Variants in TRPA1 observed in about 807,000 individuals in gnomAD.
The protein encoded by TRPA1 is transient receptor potential cation channel subfamily A member 1, also known as ankyrin-like with transmembrane domains 1.
A neutral mutation model predicts 131.3 loss-of-function variants in TRPA1; 129 were observed. That is an observed-to-expected ratio of 0.98 (90% CI 0.85 to 1.14). The LOEUF (loss-of-function observed/expected upper bound fraction) is 1.14. TRPA1 is among the 50% of genes most tolerant of loss of function. TRPA1 has a pLI of 0.00. For missense variants in TRPA1, 1,304 were observed against 1,354.2 expected (o/e 0.96, Z 0.58); for synonymous variants, 441 against 451.7 (o/e 0.98, Z 0.30).
rs770067409 is a variant in TRPA1, at chr8:72,052,628, C to G, written c.1782G>C (p.Glu594Asp). ...TGCTCCTGATGATCGTAAGAACAAC[C>G]TCCTTCCTCTTATTGTGAAGTGCAA... ...LHLALHNKRK[E>D]VVLTIIRSKR... The change falls in exon 14 of 27, where the codon GAG (glutamate) becomes GAC (aspartate). Residue 594 changes from glutamate to aspartate, a missense_variant. Transcript: ENST00000262209. The G allele has an allele frequency of 6.2e-7, 1 of 1,613,612 alleles. No individual in the cohort carries two copies. Among genetic ancestry groups the G allele is most frequent in the Non-Finnish European group, 8.5e-7 (1 of 1,179,736 alleles).
rs763397178 is a variant in TRPA1 at position 72,075,426 on chromosome 8, G to A, written c.-17C>T. ...GCGCTTCATTGACCCCACCCCGGAC[G>A]CCACCTGGTGCAGCTGCTCACCACG... On this transcript the variant is annotated 5_prime_UTR_variant, in exon 1 of 27. Transcript: ENST00000262209. 2.3e-5 allele frequency: 36 copies of A among 1,584,204 alleles called. No homozygotes were observed. The highest frequency in any genetic ancestry group is 2.8e-5 in the Non-Finnish European group (33 of 1,161,650).
chr8:72,069,091 G>A lies in TRPA1; in HGVS notation c.376C>T (p.Leu126Phe), dbSNP rs1805996093. The A allele has an allele frequency of 6.2e-7, 1 of 1,614,038 alleles. No individual in the cohort carries two copies. The highest frequency in any genetic ancestry group is 8.5e-7 in the Non-Finnish European group (1 of 1,180,028). ...FLLSRGANPN[L>F]RNFNMMAPLH... ...GGAGCCATCATGTTGAAGTTTCGGA[G>A]ATTTGGGTTTGCTCCTCTGCTGAGA... The change falls in exon 3 of 27, where the codon CTC (leucine) becomes TTC (phenylalanine). Residue 126 changes from leucine (L) to phenylalanine (F), a missense_variant. By Grantham distance (22) the Leu-to-Phe change is conservative (BLOSUM62 0). Coordinates refer to ENST00000262209, the MANE Select transcript of TRPA1 (RefSeq NM_007332.3).
At position 72,062,854 on chromosome 8, in the gene TRPA1, T is replaced by C; in HGVS notation, c.752A>G (p.Asp251Gly). ...CAGGCACATTTTGATCATTTCCAAGTCACCATTTTGCACAGCCAGGTGGAG... is the reference window on the plus strand; with the variant it reads ...CAGGCACATTTTGATCATTTCCAAGCCACCATTTTGCACAGCCAGGTGGAG... ...TPLHLAVQNG[D>G]LEMIKMCLDN... Residue 251 changes from aspartate (D) to glycine (G), a missense_variant, in exon 6 of 27, where the codon GAC becomes GGC. Asp to Gly is a moderately conservative substitution (Grantham distance 94). Transcript: ENST00000262209. 6.2e-7 allele frequency: 1 copy of C among 1,614,040 alleles called. No homozygotes were observed. The highest frequency in any genetic ancestry group is 1.1e-5 in the South Asian group (1 of 91,072).
At chr8:72,029,782 T>A (rs1016000212) in intron 24 of TRPA1, 119 bp downstream of exon 24, 8 of 962,176 alleles carry the variant, frequency 8.3e-6, no homozygotes, top group African/African-American at 1.6e-5. Flanking sequence ...GTGTAAGTAG[T>A]ATAAATTTAT....
the TRPA1 span, among the ~76,000 whole-genome samples, chr8:72,081,308 A>C: frequency 1.3e-5 from 2 of 151,860 alleles, no homozygotes; most frequent in Non-Finnish European, 3.0e-5. Flanking sequence ...TCCCAAATTT[A>C]TTTCTGTTGT....
intron 17 of TRPA1, among the ~76,000 whole-genome samples, chr8:72,043,820 C>A (rs924192049): frequency 6.6e-6 from 1 of 151,824 alleles, no homozygotes; most frequent in African/African-American, 2.4e-5. Context: ...TTCATCAGCA[C>A]TCTATTACAT....
At chr8:72,060,524 C>G (rs1212880561) in intron 7 of TRPA1, 4 of 152,058 alleles carry the variant, frequency 2.6e-5, no homozygotes, top group Admixed American at 2.6e-4. Context: ...TATCACCAAT[C>G]CTGGATTCAT....
intron 1 of TRPA1, 99 bp downstream of exon 1, chr8:72,075,200 C>A: frequency 1.1e-6 from 1 of 933,976 alleles, no homozygotes; most frequent in South Asian, 1.3e-5. Flanking sequence ...CTTGCAACCC[C>A]CACGCTTTCT....
chr8:72,068,745 AT>A (rs1212904758), intron 3 of TRPA1, among the ~76,000 whole-genome samples: 6 of 152,232 alleles, frequency 3.9e-5, no homozygotes, highest in African/African-American at 1.4e-4. Context: ...TACTAGTGGA[AT>A]TACTTCATAG....
rs1811431909 is a variant in TRPA1, at chr8:72,022,563, T to A, written c.*343A>T. ...TAATTAACAAGCAGGAATTCAGTAC[T>A]GACATTTGCATTTTAGCTTAATAGT... On this transcript the variant is annotated 3_prime_UTR_variant, in exon 27 of 27. Transcript: ENST00000262209. 1.3e-5 allele frequency: 5 copies of A among 380,224 alleles called. No individual in the cohort carries two copies. Among genetic ancestry groups the A allele is most frequent in the South Asian group, 6.7e-5 (3 of 44,562 alleles). The allele number at this position is 380,224 out of a possible 1,614,324, so 23.6% of individuals were successfully genotyped here.
chr8:72,036,219 G>C lies in TRPA1; in HGVS notation c.2555+69C>G, dbSNP rs137998328. ...ATAAGCCAGTTTTAAATTTACACCAGGTACAATAGTTTTTCTTTTGATATT... is the reference window on the plus strand; with the variant it reads ...ATAAGCCAGTTTTAAATTTACACCACGTACAATAGTTTTTCTTTTGATATT... On this transcript the variant is annotated intron_variant, in intron 21 of 26. Coordinates refer to ENST00000262209, the MANE Select transcript of TRPA1 (RefSeq NM_007332.3). The C allele has an allele frequency of 4.7e-4, 716 of 1,521,482 alleles. 8 individuals are homozygous for C. In the African/African-American group the frequency reaches 8.4e-3, roughly 18 times the overall value. The allele number at this position is 1,521,482 out of a possible 1,614,324, so 94.2% of individuals were successfully genotyped here.
the TRPA1 span, among the ~76,000 whole-genome samples, chr8:72,086,398 A>G: frequency 6.6e-6 from 1 of 152,134 alleles, no homozygotes; most frequent in Admixed American, 6.6e-5. Context: ...TCGTATTCAA[A>G]TTAGGTTTTC....
intron 4 of TRPA1, among the ~76,000 whole-genome samples, chr8:72,064,988 A>T (rs1363003855): frequency 6.6e-6 from 1 of 152,196 alleles, no homozygotes; most frequent in Non-Finnish European, 1.5e-5. Flanking sequence ...ACCCAATGAC[A>T]ATAATTTCTT....
At chr8:72,025,504 A>G (rs780831688) in intron 25 of TRPA1, among the ~76,000 whole-genome samples, 2 of 152,200 alleles carry the variant, frequency 1.3e-5, no homozygotes, top group Admixed American at 6.5e-5. Context: ...CAGTGTGAAA[A>G]TGGATTAATA....
rs1340904769 is a variant in TRPA1, at chr8:72,053,339, C to T, written c.1644+414G>A. Reference sequence around the variant, plus strand: ...CCCCATCATTTTATGAACAAACGTACATTTCAAAAGTTACTCTCCCCAAAG... The same window carrying T: ...CCCCATCATTTTATGAACAAACGTATATTTCAAAAGTTACTCTCCCCAAAG... On this transcript the variant is annotated intron_variant, in intron 13 of 26. Coordinates refer to ENST00000262209, the MANE Select transcript of TRPA1 (RefSeq NM_007332.3). 2.1e-5 allele frequency: 5 copies of T among 243,120 alleles called. No individual in the cohort carries two copies. The Admixed American group carries it at 2.6e-4, about 12-fold the overall frequency. 15.1% of individuals were successfully genotyped at this position (243,120 alleles called of 1,614,324 possible). A position where few individuals can be genotyped will look rare whatever the true frequency, so the allele number is the denominator to read the frequency against.
intron 1 of TRPA1, among the ~76,000 whole-genome samples, chr8:72,072,762 T>A (rs1228617883): frequency 6.6e-6 from 1 of 152,196 alleles, no homozygotes; most frequent in East Asian, 1.9e-4. Flanking sequence ...GCCCACTCCC[T>A]AGTGCCGGAA....
chr8:72,081,408 T>G, the TRPA1 span, among the ~76,000 whole-genome samples: 1 of 151,818 alleles, frequency 6.6e-6, no homozygotes, highest in Non-Finnish European at 1.5e-5. Context: ...GTTGAAACAT[T>G]TTATGCCTAG....
At chr8:72,027,354 C>T (rs1485201006) in intron 24 of TRPA1, among the ~76,000 whole-genome samples, 1 of 152,108 alleles carries the variant, frequency 6.6e-6, no homozygotes, top group Admixed American at 6.6e-5. Flanking sequence ...GAGCCTGGCA[C>T]CACTGGGCTC....
Position 72,026,004 on chromosome 8 carries a change from T to A in TRPA1, c.3007A>T (p.Thr1003Ser), listed in dbSNP as rs1347930238. The A allele has an allele frequency of 6.2e-7, 1 of 1,614,002 alleles. No individual in the cohort carries two copies. ...CTGGGTTTGTTGGGATACACGATGG[T>A]GGATTTCTGATCCACTTTGCGTAGA... ...WFLRKVDQKS[T>S]IVYPNKPRSG... Residue 1003 changes from threonine (T) to serine (S), a missense_variant, in exon 25 of 27, where the codon ACC becomes TCC. By Grantham distance (58) the Thr-to-Ser change is moderately conservative. Transcript: ENST00000262209.
Sources: allele counts gnomAD v4.1 joint callset (sites outside exome capture counted in the v4.1 genomes callset), GRCh38; gene constraint gnomAD v4.1.1; transcripts MANE v1.5; gene names NCBI Gene and HGNC (gene_info 2026-07-23, HGNC 2026-07-21).